MYO1D: variants seen among roughly 807,000 people sequenced by gnomAD.
MYO1D encodes unconventional myosin-Id.
In MYO1D, 83 loss-of-function variants were observed where a neutral mutation model predicts 122.0. That is an observed-to-expected ratio of 0.68 (90% CI 0.57 to 0.82). The LOEUF is 0.82. Among genes scored for constraint, MYO1D ranks in the 40% least tolerant of loss-of-function variants. The pLI is 0.00. For missense variants in MYO1D, 1,157 were observed against 1,269.5 expected (o/e 0.91, Z 1.35); for synonymous variants, 464 against 446.9 (o/e 1.04, Z -0.48).
chr17:32,510,206 T>A (rs1909642856), intron 21 of MYO1D: 1 of 152,218 alleles, frequency 6.6e-6, no homozygotes, highest in African/African-American at 2.4e-5. Context: ...GTTTCCACCC[T>A]AAAATGCTGT....
chr17:32,772,987 T>G, intron 4 of MYO1D, 145 bp from the exon 5 acceptor site: 2 of 693,674 alleles, frequency 2.9e-6, no homozygotes, highest in South Asian at 3.3e-5. Context: ...AAGAATCACA[T>G]AAGAAGTGAA....
chr17:32,681,487 T>A (rs1394433563), intron 16 of MYO1D, among the ~76,000 whole-genome samples: 13 of 149,020 alleles, frequency 8.7e-5, no homozygotes, highest in Non-Finnish European at 1.8e-4. Context: ...ACATCTTTAT[T>A]TCTGCCTTCA....
chr17:32,820,325 C>T (rs2090649376), intron 1 of MYO1D, among the ~76,000 whole-genome samples: 1 of 152,202 alleles, frequency 6.6e-6, no homozygotes, highest in African/African-American at 2.4e-5. Context: ...CCCATGTTCA[C>T]TGCAGCATAT....
chr17:32,678,539 G>A (rs559340866), intron 16 of MYO1D, among the ~76,000 whole-genome samples: 2 of 151,082 alleles, frequency 1.3e-5, no homozygotes, highest in South Asian at 4.2e-4. Flanking sequence ...ATAGTTTACT[G>A]AGAATGATGA....
intron 14 of MYO1D, among the ~76,000 whole-genome samples, chr17:32,733,725 C>G (rs968728941): frequency 1.3e-5 from 2 of 152,154 alleles, no homozygotes; most frequent in African/African-American, 4.8e-5. Flanking sequence ...TGAGGGGCAG[C>G]TTTAGGGGTT....
At chr17:32,616,136 G>T (rs1043639151) in intron 20 of MYO1D, among the ~76,000 whole-genome samples, 8 of 152,144 alleles carry the variant, frequency 5.3e-5, no homozygotes, top group African/African-American at 1.7e-4. Context: ...ACTGCATGTT[G>T]GGTATGCGGG....
At chr17:32,575,211 T>C (rs192024869) in intron 21 of MYO1D, among the ~76,000 whole-genome samples, 124 of 152,330 alleles carry the variant, frequency 8.1e-4, no homozygotes, top group African/African-American at 2.8e-3. Context: ...TATTAGCAGG[T>C]ATTTAAATAA....
intron 21 of MYO1D, among the ~76,000 whole-genome samples, chr17:32,582,873 C>G (rs887166264): frequency 2.6e-5 from 4 of 152,008 alleles, no homozygotes; most frequent in African/African-American, 9.7e-5. Context: ...ATGAATTCAC[C>G]CACATTACTT....
chr17:32,838,566 A>C (rs1289288369), intron 1 of MYO1D, among the ~76,000 whole-genome samples: 1 of 152,196 alleles, frequency 6.6e-6, no homozygotes, highest in Non-Finnish European at 1.5e-5. Flanking sequence ...CGGGAAAAGT[A>C]CAGGCAAGAG....
At chr17:32,554,872 C>T (rs529105542) in intron 21 of MYO1D, among the ~76,000 whole-genome samples, 25 of 152,188 alleles carry the variant, frequency 1.6e-4, no homozygotes, top group Non-Finnish European at 2.2e-4. Flanking sequence ...CCTTTTCAAA[C>T]GGGCCAATTA....
At chr17:32,812,066 T>A (rs1479108468) in intron 1 of MYO1D, among the ~76,000 whole-genome samples, 1 of 152,238 alleles carries the variant, frequency 6.6e-6, no homozygotes, top group Admixed American at 6.5e-5. Context: ...GGTTTTTCTA[T>A]TACTACTTGT....
chr17:32,613,111 A>C (rs1226617200), intron 20 of MYO1D, among the ~76,000 whole-genome samples: 1 of 152,122 alleles, frequency 6.6e-6, no homozygotes, highest in Non-Finnish European at 1.5e-5. Context: ...AGTAAAATTG[A>C]CTTAAAGAAA....
intron 16 of MYO1D, among the ~76,000 whole-genome samples, chr17:32,667,736 C>T (rs980476056): frequency 1.3e-5 from 2 of 152,122 alleles, no homozygotes; most frequent in South Asian, 2.1e-4. Context: ...ACTAACTTGC[C>T]GAGTTAATTG....
chr17:32,847,881 A>G (rs1357547437), intron 1 of MYO1D, among the ~76,000 whole-genome samples: 1 of 152,208 alleles, frequency 6.6e-6, no homozygotes, highest in Non-Finnish European at 1.5e-5. Flanking sequence ...TATTGTCCTC[A>G]GCACACAACA....
At chr17:32,554,148 C>T (rs994889151) in intron 21 of MYO1D, among the ~76,000 whole-genome samples, 8 of 152,172 alleles carry the variant, frequency 5.3e-5, no homozygotes, top group African/African-American at 1.9e-4. Flanking sequence ...ATGTTCTTTC[C>T]TTTAAAACTC....
intron 21 of MYO1D, among the ~76,000 whole-genome samples, chr17:32,592,531 T>C (rs959600108): frequency 6.6e-6 from 1 of 152,212 alleles, no homozygotes; most frequent in East Asian, 1.9e-4. Flanking sequence ...CAATTTGGTA[T>C]TTACACCAAC....
intron 1 of MYO1D, among the ~76,000 whole-genome samples, chr17:32,851,057 C>T (rs2090983145): frequency 6.6e-6 from 1 of 152,048 alleles, no homozygotes; most frequent in African/African-American, 2.4e-5. Flanking sequence ...TCTATAAATC[C>T]ATGGAGTTCA....
At chr17:32,848,582 G>T (rs1310033037) in intron 1 of MYO1D, among the ~76,000 whole-genome samples, 1 of 152,228 alleles carries the variant, frequency 6.6e-6, no homozygotes, top group Admixed American at 6.5e-5. Flanking sequence ...GTATGTTACA[G>T]AGGCCATTAG....
intron 21 of MYO1D, among the ~76,000 whole-genome samples, chr17:32,561,350 T>A (rs1483160128): frequency 7.2e-6 from 1 of 139,184 alleles, no homozygotes; most frequent in Non-Finnish European, 1.5e-5. Context: ...TTTCCAACTC[T>A]CTCCTTTTTT....
Sources: gnomAD v4.1 joint callset for allele counts (sites outside exome capture counted in the v4.1 genomes callset) on GRCh38, gnomAD v4.1.1 for gene constraint, MANE v1.5 for transcripts, NCBI Gene and HGNC (gene_info 2026-07-23, HGNC 2026-07-21) for gene names.